Variants in TEX9 observed in about 807,000 individuals in gnomAD.
TEX9 encodes the protein testis-expressed protein 9.
Under a neutral mutation model 59.6 loss-of-function variants are expected in TEX9, and 74 were observed. The ratio of observed to expected loss-of-function variants is 1.24; its 90% CI spans 1.03 to 1.51. The LOEUF (loss-of-function observed/expected upper bound fraction) is 1.51, where lower values mean the gene tolerates loss of function less well. Among genes scored for constraint, TEX9 ranks in the 40% most tolerant of loss-of-function variants. The pLI is 0.00. For missense variants in TEX9, 522 were observed against 447.8 expected, an observed-to-expected ratio of 1.17 and a Z score of -1.49; for synonymous variants, 186 against 152.2, an observed-to-expected ratio of 1.22 and a Z score of -1.64.
In TEX9 at chr15:56,377,933, T is replaced by A. The variant is rs576228797; in HGVS notation, c.183+4429T>A. ...TTGAAGTGTGTTTACCATGAAGGGATGTTGAACTTTATCAAATGCTTTTCC... is the reference window on the plus strand; with the variant it reads ...TTGAAGTGTGTTTACCATGAAGGGAAGTTGAACTTTATCAAATGCTTTTCC... On this transcript the variant is annotated intron_variant, in intron 3 of 12. Transcript: ENST00000352903. 9.8e-5 allele frequency among the ~76,000 whole-genome samples: 15 copies of A among 152,328 alleles called. No individual in the cohort carries two copies. The East Asian group carries it at 2.3e-3, about 24-fold the overall frequency.
intron 1 of TEX9, among the ~76,000 whole-genome samples, chr15:56,347,954 C>A (rs2725863): frequency 6.6e-6 from 1 of 151,610 alleles, no homozygotes. Context: ...GGGCAAAAAA[C>A]TTTAAGAGAT....
chr15:56,353,580 A>G (rs1239076647), intron 1 of TEX9, among the ~76,000 whole-genome samples: 1 of 152,240 alleles, frequency 6.6e-6, no homozygotes, highest in African/African-American at 2.4e-5. Flanking sequence ...ATTTTTGACC[A>G]TGATTAAAAT....
intron 1 of TEX9, among the ~76,000 whole-genome samples, chr15:56,314,173 A>G (rs1189941534): frequency 1.1e-4 from 7 of 65,294 alleles, no homozygotes; most frequent in Non-Finnish European, 2.3e-4. Flanking sequence ...GATTTTAGTT[A>G]TTTCTTGCCT....
the TEX9 span, among the ~76,000 whole-genome samples, chr15:56,452,778 A>G: frequency 6.6e-6 from 1 of 152,232 alleles, no homozygotes; most frequent in East Asian, 1.9e-4. Context: ...TCGGCCTCCC[A>G]AAGTGCTGGG....
rs146884711 is a variant in TEX9 at position 56,302,031 on chromosome 15, A to G, written c.-107+57753A>G. On this transcript the variant is annotated intron_variant, in intron 1 of 5. Transcript: ENST00000560827. ...ATAGAAATAGAAACAACAAAATTAA[A>G]AAGCAGGGGCATGAAATTAAAGCAT... Among the ~76,000 whole-genome samples the G allele has an allele frequency of 3.5e-3, 533 of 152,298 alleles. 3 individuals carry two copies. The highest frequency in any genetic ancestry group is 0.012 in the African/African-American group (505 of 41,562).
chr15:56,427,851 T>C, intron 11 of TEX9, 112 bp downstream of exon 11: 1 of 765,994 alleles, frequency 1.3e-6, no homozygotes, highest in Non-Finnish European at 2.0e-6. Flanking sequence ...CTGAACTTCA[T>C]ATAAAATGCA....
At chr15:56,352,161 C>CA (rs1360424474) in intron 1 of TEX9, among the ~76,000 whole-genome samples, 1 of 152,086 alleles carries the variant, frequency 6.6e-6, no homozygotes, top group Non-Finnish European at 1.5e-5. Flanking sequence ...TTGGCATGTG[C>CA]AATTTTAGAA....
intron 9 of TEX9, among the ~76,000 whole-genome samples, chr15:56,407,051 T>A (rs748852486): frequency 7.2e-5 from 11 of 152,082 alleles, no homozygotes; most frequent in Non-Finnish European, 1.6e-4. Flanking sequence ...ATGAGACTTT[T>A]CTCCTGATTT....
At chr15:56,300,886 G>T (rs2045345626) in intron 1 of TEX9, among the ~76,000 whole-genome samples, 1 of 152,118 alleles carries the variant, frequency 6.6e-6, no homozygotes, top group Non-Finnish European at 1.5e-5. Context: ...AAGAAGAACA[G>T]GTACAAACAA....
chr15:56,270,345 A>G (rs2044497881), intron 1 of TEX9, among the ~76,000 whole-genome samples: 1 of 152,250 alleles, frequency 6.6e-6, no homozygotes, highest in Middle Eastern at 3.4e-3. Flanking sequence ...TTGGGTGCAT[A>G]TATATTTAGG....
chr15:56,256,911 A>C (rs1403860505), intron 1 of TEX9, among the ~76,000 whole-genome samples: 1 of 150,658 alleles, frequency 6.6e-6, no homozygotes, highest in Non-Finnish European at 1.5e-5. Context: ...TTCATTACTT[A>C]TTTTTTTTTG....
At chr15:56,443,213 A>G (rs1233750420) in intron 12 of TEX9, among the ~76,000 whole-genome samples, 1 of 152,184 alleles carries the variant, frequency 6.6e-6, no homozygotes, top group African/African-American at 2.4e-5. Flanking sequence ...TACAGACAAC[A>G]TAGTTGCATC....
intron 7 of TEX9, 65 bp downstream of exon 7, chr15:56,391,483 G>A (rs1338160536): frequency 1.8e-6 from 2 of 1,135,714 alleles, no homozygotes; most frequent in African/African-American, 3.2e-5. Context: ...AGAAATCTTG[G>A]GGAACTATTT....
chr15:56,365,465 T>C, exon 1 of TEX9: 2 of 1,613,468 alleles, frequency 1.2e-6, no homozygotes, highest in Non-Finnish European at 1.7e-6. Flanking sequence ...CGGGGCGAAG[T>C]CTGTGTCTCA....
At chr15:56,390,584 G>C (rs1275628755) in intron 6 of TEX9, among the ~76,000 whole-genome samples, 2 of 151,994 alleles carry the variant, frequency 1.3e-5, no homozygotes, top group African/African-American at 4.8e-5. Context: ...ATTAGGCCTG[G>C]ACTATTCCTC....
At chr15:56,319,843 C>T (rs1270580423) in intron 1 of TEX9, among the ~76,000 whole-genome samples, 1 of 152,126 alleles carries the variant, frequency 6.6e-6, no homozygotes, top group Non-Finnish European at 1.5e-5. Flanking sequence ...GTATTAAAGT[C>T]AGTGGTCAGA....
chr15:56,365,893 A>G, intron 2 of TEX9: 2 of 1,379,646 alleles, frequency 1.4e-6, no homozygotes, highest in Non-Finnish European at 1.9e-6. Flanking sequence ...ATTTAGCCCA[A>G]GTAAGCATGT....
At chr15:56,421,656 C>G (rs900186878) in intron 10 of TEX9, 1 of 151,618 alleles carries the variant, frequency 6.6e-6, no homozygotes, top group Non-Finnish European at 1.5e-5. Context: ...GTGATGTTCC[C>G]CTTCCTGTGT....
chr15:56,307,054 A>G (rs768902084), intron 1 of TEX9, among the ~76,000 whole-genome samples: 10 of 152,324 alleles, frequency 6.6e-5, no homozygotes, highest in Admixed American at 2.6e-4. Flanking sequence ...GCTCAGTAAC[A>G]TAATTATTTA....
Sources: allele counts gnomAD v4.1 joint callset (sites outside exome capture counted in the v4.1 genomes callset), GRCh38; gene constraint gnomAD v4.1.1; transcripts MANE v1.5; gene names NCBI Gene and HGNC (gene_info 2026-07-23, HGNC 2026-07-21).